Variants in TNR observed in about 807,000 individuals in gnomAD.
TNR encodes tenascin-R.
TNR carries 45 observed loss-of-function variants against 150.4 expected under a neutral mutation model. That is an observed-to-expected ratio of 0.30 (90% CI 0.24 to 0.38). The LOEUF (loss-of-function observed/expected upper bound fraction) is 0.38, where lower values mean the gene tolerates loss of function less well. Among genes scored for constraint, TNR ranks in the 10% least tolerant of loss-of-function variants. The probability of loss-of-function intolerance (pLI) is 1.00; values close to 1 mark genes in which losing one functional copy is unlikely to be tolerated. For missense variants in TNR, 1,544 were observed against 1,759.1 expected (o/e 0.88, Z 2.19); for synonymous variants, 687 against 678.4 (o/e 1.01, Z -0.20).
chr1:175,448,840 G>A (rs1656181029), intron 2 of TNR, among the ~76,000 whole-genome samples: 1 of 152,226 alleles, frequency 6.6e-6, no homozygotes, highest in African/African-American at 2.4e-5. Flanking sequence ...CAGGGAGGGA[G>A]TGGATGTGGT....
intron 2 of TNR, among the ~76,000 whole-genome samples, chr1:175,504,419 C>T (rs1484885381): frequency 6.6e-6 from 1 of 152,146 alleles, no homozygotes; most frequent in Non-Finnish European, 1.5e-5. Context: ...GAACATAGCT[C>T]ACTAGAATCG....
At chr1:175,369,872 C>T (rs900576081) in intron 9 of TNR, among the ~76,000 whole-genome samples, 2 of 152,216 alleles carry the variant, frequency 1.3e-5, no homozygotes, top group African/African-American at 4.8e-5. Flanking sequence ...CATCCCCTTC[C>T]TCAGTAGGCT....
At chr1:175,699,645 G>A (rs1483499780) in intron 1 of TNR, among the ~76,000 whole-genome samples, 1 of 152,168 alleles carries the variant, frequency 6.6e-6, no homozygotes, top group East Asian at 1.9e-4. Flanking sequence ...GTAGGTGGGA[G>A]AGTTGTTGGA....
intron 1 of TNR, among the ~76,000 whole-genome samples, chr1:175,621,668 C>T (rs1023512578): frequency 2.6e-5 from 4 of 152,224 alleles, no homozygotes; most frequent in Admixed American, 1.3e-4. Context: ...GCTACCTACC[C>T]TTCAATGTCC....
At chr1:175,604,169 AG>A (rs1371042162) in intron 1 of TNR, among the ~76,000 whole-genome samples, 1 of 152,052 alleles carries the variant, frequency 6.6e-6, no homozygotes, top group Non-Finnish European at 1.5e-5. Flanking sequence ...CAGCATCCAG[AG>A]GAGGAGATGG....
At chr1:175,668,324 G>A (rs1330095485) in intron 1 of TNR, among the ~76,000 whole-genome samples, 1 of 152,196 alleles carries the variant, frequency 6.6e-6, no homozygotes, top group Non-Finnish European at 1.5e-5. Flanking sequence ...GAGTGGTCAG[G>A]TGGCTTTCAG....
At chr1:175,739,021 C>T (rs1241865167) in intron 1 of TNR, among the ~76,000 whole-genome samples, 1 of 152,206 alleles carries the variant, frequency 6.6e-6, no homozygotes, top group Non-Finnish European at 1.5e-5. Flanking sequence ...CTCACTTTGG[C>T]TGTCTTCTAA....
chr1:175,426,191 C>A (rs1263068583), intron 2 of TNR, among the ~76,000 whole-genome samples: 1 of 152,138 alleles, frequency 6.6e-6, no homozygotes, highest in African/African-American at 2.4e-5. Flanking sequence ...CCTGAGTAGT[C>A]TGGAGAGGAC....
intron 1 of TNR, among the ~76,000 whole-genome samples, chr1:175,727,781 C>T (rs1489923079): frequency 6.6e-6 from 1 of 151,902 alleles, no homozygotes; most frequent in Non-Finnish European, 1.5e-5. Context: ...GGCACAGGGA[C>T]AACAAGAGGT....
At chr1:175,594,427 G>C (rs1376019583) in intron 1 of TNR, among the ~76,000 whole-genome samples, 1 of 151,776 alleles carries the variant, frequency 6.6e-6, no homozygotes, top group Non-Finnish European at 1.5e-5. Context: ...TATCAATATG[G>C]GTCTAACTTA....
chr1:175,406,785 G>T lies in TNR; in HGVS notation c.-63-8C>A. 6.4e-7 allele frequency: 1 copy of T among 1,556,180 alleles called. No homozygotes were observed. Among genetic ancestry groups the T allele is most frequent in the East Asian group, 2.2e-5 (1 of 44,494 alleles). On this transcript the variant is annotated splice_region_variant and splice_polypyrimidine_tract_variant and intron_variant, in intron 2 of 22. Transcript: ENST00000367674. The stretch of plus-strand genomic sequence containing the variant: ...GCATGGAGTTGTGGGAATCTGCAAC[G>T]GAAACCAAGGAAAGAGACAACCTCT...
rs36087120 is a variant in TNR, at chr1:175,654,719, CTTTTTTT to C, written c.-165+88500_-165+88506del. ...CACTATCTCCAACAAAAGTTCCCTTCTTTTTTTTTTTTTTTTTTTTTTTTGGAGACGG... is the reference window on the plus strand; with the variant it reads ...CACTATCTCCAACAAAAGTTCCCTTCTTTTTTTTTTTTTTTTTGGAGACGG... On this transcript the variant is annotated intron_variant, in intron 1 of 22. Coordinates refer to ENST00000367674, the MANE Select transcript of TNR (RefSeq NM_003285.3). Among the ~76,000 whole-genome samples the C allele has an allele frequency of 6.7e-5, 5 of 74,742 alleles. No individual in the cohort carries two copies. In the South Asian group the frequency reaches 2.8e-3, roughly 43 times the overall value. The allele number at this position is 74,742 out of a possible 152,430, so 49.0% of individuals were successfully genotyped here. A position where few individuals can be genotyped will look rare whatever the true frequency, so the allele number is the denominator to read the frequency against.
At chr1:175,500,124 C>T (rs71645251) in intron 2 of TNR, among the ~76,000 whole-genome samples, 167 of 152,240 alleles carry the variant, frequency 1.1e-3, no homozygotes, top group African/African-American at 2.1e-3. Flanking sequence ...AACAGCAGCC[C>T]GGTGGAGCTC....
At chr1:175,522,252 G>C (rs1349425202) in intron 2 of TNR, among the ~76,000 whole-genome samples, 1 of 152,204 alleles carries the variant, frequency 6.6e-6, no homozygotes. Context: ...TTGTGTCTAA[G>C]AGTGAAAACT....
chr1:175,631,313 T>A (rs762980528), intron 1 of TNR, among the ~76,000 whole-genome samples: 4 of 152,224 alleles, frequency 2.6e-5, no homozygotes, highest in Non-Finnish European at 5.9e-5. Context: ...TCAAATACAT[T>A]TTGATACATC....
chr1:175,502,908 A>G (rs1420864205), intron 2 of TNR, among the ~76,000 whole-genome samples: 1 of 151,702 alleles, frequency 6.6e-6, no homozygotes, highest in Non-Finnish European at 1.5e-5. Flanking sequence ...GACCCCCTAG[A>G]CGAACCAAGG....
chr1:175,525,568 G>C (rs1659814915), intron 2 of TNR, among the ~76,000 whole-genome samples: 1 of 152,202 alleles, frequency 6.6e-6, no homozygotes. Context: ...TGAAATCTGG[G>C]GTGAGTTTTG....
At chr1:175,552,936 G>T (rs1475174279) in intron 1 of TNR, among the ~76,000 whole-genome samples, 2 of 152,090 alleles carry the variant, frequency 1.3e-5, no homozygotes, top group East Asian at 3.9e-4. Flanking sequence ...GGCCACCCTG[G>T]CCAGTCTACA....
intron 1 of TNR, among the ~76,000 whole-genome samples, chr1:175,542,782 T>C (rs914068584): frequency 2.0e-5 from 3 of 152,238 alleles, no homozygotes; most frequent in Admixed American, 1.3e-4. Context: ...CACACACATA[T>C]AATTTTTTAA....
Sources: gnomAD v4.1 joint callset for allele counts (sites outside exome capture counted in the v4.1 genomes callset) on GRCh38, gnomAD v4.1.1 for gene constraint, MANE v1.5 for transcripts, NCBI Gene and HGNC (gene_info 2026-07-23, HGNC 2026-07-21) for gene names.